SCIN: variants seen among roughly 807,000 people sequenced by gnomAD.
SCIN encodes scinderin, also known as adseverin.
SCIN carries 91 observed loss-of-function variants against 91.8 expected under a neutral mutation model. That is an observed-to-expected ratio of 0.99 (90% confidence interval 0.84 to 1.18). The LOEUF (loss-of-function observed/expected upper bound fraction) is 1.18, where lower values mean the gene tolerates loss of function less well. Among genes scored for constraint, SCIN ranks in the 50% most tolerant of loss-of-function variants. The pLI is 0.00. For synonymous variants in SCIN, 367 were observed against 312.6 expected (o/e 1.17, Z -1.84); for missense variants, 1,087 against 863.9 (o/e 1.26, Z -3.24).
chr7:12,608,533 A>T (rs1039306735), intron 4 of SCIN, among the ~76,000 whole-genome samples: 30 of 152,068 alleles, frequency 2.0e-4, no homozygotes, highest in Non-Finnish European at 3.8e-4. Flanking sequence ...TCTAGAGTGC[A>T]GTGGTACGGT....
intron 5 of SCIN, among the ~76,000 whole-genome samples, chr7:12,623,192 G>A (rs762925337): frequency 6.6e-6 from 1 of 152,048 alleles, no homozygotes; most frequent in African/African-American, 2.4e-5. Context: ...TCAATACAAT[G>A]TTTCCTTTAT....
rs878921328 is a variant in SCIN, at chr7:12,653,100, C to CA, written c.*405dup. The CA allele has an allele frequency of 0.039, 2,738 of 69,380 alleles. 76 individuals are homozygous for CA. Among genetic ancestry groups the CA allele is most frequent in the Middle Eastern group, 0.1 (10 of 100 alleles). The allele number at this position is 69,380 out of a possible 1,614,324, so 4.3% of individuals were successfully genotyped here. ...AGCCTGGGCAACAGAGACTCTGTCT[C>CA]AAAAAAAAAAAAAAAAAAAATTAAC... On this transcript the variant is annotated 3_prime_UTR_variant, in exon 16 of 16. Transcript: ENST00000297029. This position sits in a 1 kb window ranked among gnomAD's most constrained non-coding sequence, Gnocchi z 4.1.
At chr7:12,639,933 G>T (rs138092405) in intron 10 of SCIN, among the ~76,000 whole-genome samples, 10 of 152,274 alleles carry the variant, frequency 6.6e-5, no homozygotes, top group African/African-American at 2.4e-4. Context: ...TCCAAAACAC[G>T]TGAGATTCTA....
chr7:12,604,575 TA>T lies in SCIN; in HGVS notation c.579del (p.Ala194LeufsTer15). The part of the protein sequence containing the change: ...NKYERLKANQ[V>X]ATGIRYNERK... ...TATGAACGTCTGAAGGCAAACCAGG[TA>T]GCTACTGGCATTCGGTACAATGAAA... On this transcript the variant is annotated frameshift_variant, in exon 4 of 16. Coordinates refer to ENST00000297029, the MANE Select transcript of SCIN (RefSeq NM_001112706.3). LOFTEE classifies it high-confidence loss of function. The T allele has an allele frequency of 6.4e-7, 1 of 1,551,974 alleles. No individual in the cohort carries two copies. The highest frequency in any genetic ancestry group is 1.2e-5 in the South Asian group (1 of 84,062).
chr7:12,617,458 C>G (rs1439090397), intron 4 of SCIN, among the ~76,000 whole-genome samples: 2 of 152,070 alleles, frequency 1.3e-5, no homozygotes, highest in Admixed American at 1.3e-4. Context: ...AAGCGTTCAT[C>G]CAAGCACTGA....
chr7:12,642,721 C>T (rs1044136746), intron 11 of SCIN, among the ~76,000 whole-genome samples: 3 of 151,558 alleles, frequency 2.0e-5, no homozygotes, highest in Non-Finnish European at 4.4e-5. Flanking sequence ...TCAGCCTTTC[C>T]AGTTTTATTG....
chr7:12,607,672 T>G (rs980079707), intron 4 of SCIN, among the ~76,000 whole-genome samples: 2 of 152,234 alleles, frequency 1.3e-5, no homozygotes, highest in African/African-American at 4.8e-5. Flanking sequence ...ATTTGACTGC[T>G]TTCACTCACA....
In SCIN at chr7:12,622,915, T is replaced by G. The variant is rs1223633656; in HGVS notation, c.759+22T>G. On this transcript the variant is annotated intron_variant, in intron 5 of 15. Coordinates refer to ENST00000297029, the MANE Select transcript of SCIN (RefSeq NM_001112706.3). ...CATGGTGAGTTCACTGTAACCAAATTTATTGTTTCAACAGTACTGGATGTA... is the reference window on the plus strand; with the variant it reads ...CATGGTGAGTTCACTGTAACCAAATGTATTGTTTCAACAGTACTGGATGTA... 4 of 1,569,018 alleles carry G rather than the reference T, an allele frequency of 2.5e-6. No individual in the cohort carries two copies. The African/African-American group carries it at 5.4e-5, about 21-fold the overall frequency.
At chr7:12,625,272 C>T (rs561274517) in intron 6 of SCIN, 130 bp downstream of exon 6, 6 of 807,116 alleles carry the variant, frequency 7.4e-6, no homozygotes, top group Admixed American at 7.0e-5. Context: ...ATAAATGTCT[C>T]ACATAAAATG....
At chr7:12,625,431 CT>C (rs10656602) in intron 6 of SCIN, among the ~76,000 whole-genome samples, 42 of 97,532 alleles carry the variant, frequency 4.3e-4, no homozygotes, top group Admixed American at 4.0e-3. Context: ...TTTTGCTATT[CT>C]TTTTTTTTTT....
intron 9 of SCIN, among the ~76,000 whole-genome samples, chr7:12,632,391 A>G (rs1237634071): frequency 6.6e-6 from 1 of 152,016 alleles, no homozygotes; most frequent in Non-Finnish European, 1.5e-5. Flanking sequence ...TTGGCCTCCT[A>G]AAGTGTTGAG....
At chr7:12,623,513 G>GT (rs943392606) in intron 5 of SCIN, among the ~76,000 whole-genome samples, 14 of 152,064 alleles carry the variant, frequency 9.2e-5, no homozygotes, top group Non-Finnish European at 2.9e-5. Flanking sequence ...CAACTCTATA[G>GT]TTTTTTTTAT....
In SCIN at chr7:12,660,144, G is replaced by C. The variant is rs1243082731; in HGVS notation, c.*7429G>C. 6.6e-6 allele frequency: 1 copy of C among 152,588 alleles called. No individual in the cohort carries two copies. Among genetic ancestry groups the C allele is most frequent in the Admixed American group, 6.5e-5 (1 of 15,272 alleles). 9.5% of individuals were successfully genotyped at this position (152,588 alleles called of 1,614,324 possible). A position where few individuals can be genotyped will look rare whatever the true frequency, so the allele number is the denominator to read the frequency against. ...CTCTCTTTTCGGACTCAGCCCGCCT[G>C]CACCCAGGTGAAATAAACAGCCTTG... On this transcript the variant is annotated 3_prime_UTR_variant, in exon 16 of 16. Coordinates refer to ENST00000297029, the MANE Select transcript of SCIN (RefSeq NM_001112706.3).
chr7:12,598,949 A>G (rs1450762618), intron 3 of SCIN, among the ~76,000 whole-genome samples: 1 of 152,178 alleles, frequency 6.6e-6, no homozygotes, highest in Non-Finnish European at 1.5e-5. Context: ...CAGTGTTTTA[A>G]TTAATAATGA....
intron 8 of SCIN, among the ~76,000 whole-genome samples, chr7:12,628,072 T>C (rs986527546): frequency 2.0e-5 from 3 of 151,352 alleles, no homozygotes; most frequent in Non-Finnish European, 4.4e-5. Context: ...TGTGTTTGCT[T>C]GCATGTACAC....
At chr7:12,644,110 CATT>C in intron 11 of SCIN, 25 bp from the exon 12 acceptor site, 1 of 1,587,330 alleles carries the variant, frequency 6.3e-7, no homozygotes, top group Non-Finnish European at 8.6e-7. Context: ...GAATTTGAAT[CATT>C]GTTTTATTTT....
In SCIN at chr7:12,659,201, C is replaced by G. The variant is rs987297939; in HGVS notation, c.*6486C>G. 6.6e-6 allele frequency: 1 copy of G among 152,244 alleles called. No individual in the cohort carries two copies. The highest frequency in any genetic ancestry group is 1.5e-5 in the Non-Finnish European group (1 of 68,074). 9.4% of individuals were successfully genotyped at this position (152,244 alleles called of 1,614,324 possible). On this transcript the variant is annotated 3_prime_UTR_variant, in exon 16 of 16. Coordinates refer to ENST00000297029, the MANE Select transcript of SCIN (RefSeq NM_001112706.3). Reference sequence around the variant, plus strand: ...TTGAACTCCTGAACTTGTGATCCACCCTCCTCTGCCTTCCAAAGTGCTGGG... The same window carrying G: ...TTGAACTCCTGAACTTGTGATCCACGCTCCTCTGCCTTCCAAAGTGCTGGG...
chr7:12,647,721 T>C (rs1783993857), intron 13 of SCIN, among the ~76,000 whole-genome samples: 1 of 152,224 alleles, frequency 6.6e-6, no homozygotes, highest in African/African-American at 2.4e-5. Context: ...ATCCTTTGCC[T>C]TCTAAATGGT....
At chr7:12,588,325 C>T (rs991815172) in intron 3 of SCIN, among the ~76,000 whole-genome samples, 1 of 152,196 alleles carries the variant, frequency 6.6e-6, no homozygotes, top group African/African-American at 2.4e-5. Flanking sequence ...CCTTCAGGTA[C>T]TGTCAAATGC....
Sources: gnomAD v4.1 joint callset for allele counts (sites outside exome capture counted in the v4.1 genomes callset) on GRCh38, gnomAD v4.1.1 for gene constraint, Gnocchi (gnomAD v3.1) non-coding constraint, MANE v1.5 for transcripts, NCBI Gene and HGNC (gene_info 2026-07-23, HGNC 2026-07-21) for gene names.